IGF2BP3: variants seen among roughly 807,000 people sequenced by gnomAD.
The protein encoded by IGF2BP3 is insulin like growth factor 2 mRNA binding protein 3, also known as insulin-like growth factor 2 mRNA-binding protein 3.
In IGF2BP3, 9 loss-of-function variants were observed where a neutral mutation model predicts 73.8. The ratio of observed to expected loss-of-function variants is 0.12; its 90% CI spans 0.07 to 0.21. The LOEUF (loss-of-function observed/expected upper bound fraction) is 0.21, where lower values mean the gene tolerates loss of function less well. Among genes scored for constraint, IGF2BP3 ranks in the 10% least tolerant of loss-of-function variants. The pLI is 1.00. For missense variants in IGF2BP3, 542 were observed against 714.0 expected (o/e 0.76, Z 2.75); for synonymous variants, 258 against 256.7 (o/e 1.01, Z -0.05).
chr7:23,332,238 T>C (rs569922034), intron 10 of IGF2BP3, among the ~76,000 whole-genome samples: 6 of 152,218 alleles, frequency 3.9e-5, no homozygotes, highest in Non-Finnish European at 5.9e-5. Flanking sequence ...ATCCCCATCA[T>C]GTACCTCTTA....
At chr7:23,415,104 C>T (rs1162728478) in intron 3 of IGF2BP3, 2 of 219,288 alleles carry the variant, frequency 9.1e-6, no homozygotes, top group South Asian at 4.8e-5. Context: ...TAGCAGGTCC[C>T]GTCCGTCAGT....
chr7:23,392,345 C>T lies in IGF2BP3; in HGVS notation c.285+26431G>A, dbSNP rs201987948. On this transcript the variant is annotated intron_variant, in intron 3 of 14. Transcript: ENST00000258729. ...AGTGCTGGATAGCACAAAGGCTGAC[C>T]TCAAGAAAAGGCTGATTCAGTAAGT... Among the ~76,000 whole-genome samples, 12 of 151,000 alleles carry T rather than the reference C, an allele frequency of 7.9e-5. No homozygotes were observed. The East Asian group carries it at 1.8e-3, about 22-fold the overall frequency.
Position 23,361,872 on chromosome 7 carries a change from G to A in IGF2BP3, c.286-131C>T, listed in dbSNP as rs557753475. 3.2e-5 allele frequency: 22 copies of A among 688,284 alleles called. 1 individual carries two copies. Among genetic ancestry groups the A allele is most frequent in the Middle Eastern group, 4.1e-4 (1 of 2,422 alleles). The allele number at this position is 688,284 out of a possible 1,614,324, so 42.6% of individuals were successfully genotyped here. A position where few individuals can be genotyped will look rare whatever the true frequency, so the allele number is the denominator to read the frequency against. On this transcript the variant is annotated intron_variant, in intron 3 of 14. Coordinates refer to ENST00000258729, the MANE Select transcript of IGF2BP3 (RefSeq NM_006547.3). ...AAAAAATTATCTGGGGCTTTGGACT[G>A]CAGAACTAAGGGATGGATACCACAA...
chr7:23,468,523 C>T lies in IGF2BP3; in HGVS notation c.195G>A (p.Gly65=). The T allele has an allele frequency of 1.2e-6, 2 of 1,614,214 alleles. No homozygotes were observed. The highest frequency in any genetic ancestry group is 1.1e-5 in the South Asian group (1 of 91,084). The change falls in exon 2 of 15, where the codon GGG becomes GGA. Residue 65 remains glycine (G), a synonymous_variant. Coordinates refer to ENST00000258729, the MANE Select transcript of IGF2BP3 (RefSeq NM_006547.3). ...CCGAGTGCTCAACTTCTATGGGTTT[C>T]CCGTGCAGTTCTATTTTACCTGCGG... is the stretch of plus-strand genomic sequence containing the variant. ...EALSGKIELH[G]KPIEVEHSVP... is the part of the protein sequence containing the mutation.
chr7:23,310,683 G>C lies in IGF2BP3; in HGVS notation c.*1679C>G. 1 of 152,214 alleles carries C rather than the reference G, an allele frequency of 6.6e-6. No individual in the cohort carries two copies. The highest frequency in any genetic ancestry group is 1.9e-4 in the East Asian group (1 of 5,184). 9.4% of individuals were successfully genotyped at this position (152,214 alleles called of 1,614,324 possible). ...ACTACAAAAGAAACTTGTTTTCAGA[G>C]AACATTAAGGAAAACACTTTAAATC... On this transcript the variant is annotated 3_prime_UTR_variant, in exon 15 of 15. Transcript: ENST00000258729.
rs1340117145 is a variant in IGF2BP3 at position 23,371,377 on chromosome 7, G to C, written c.286-9636C>G. On this transcript the variant is annotated intron_variant, in intron 3 of 14. Transcript: ENST00000258729. ...CAAACAGGAACTACTTATCTGTCAT[G>C]GGCAAGATCATCTCAGGAACTGTTC... Among the ~76,000 whole-genome samples, 4 of 152,160 alleles carry C rather than the reference G, an allele frequency of 2.6e-5. No individual in the cohort carries two copies. The South Asian group carries it at 8.3e-4, about 32-fold the overall frequency.
intron 11 of IGF2BP3, 84 bp from the exon 12 acceptor site, chr7:23,317,797 T>A: frequency 9.4e-7 from 1 of 1,066,602 alleles, no homozygotes; most frequent in Admixed American, 1.7e-5. Context: ...CATTTGCATG[T>A]GACTGGCTGA....
chr7:23,450,315 T>G (rs897685458), intron 2 of IGF2BP3, among the ~76,000 whole-genome samples: 2 of 152,188 alleles, frequency 1.3e-5, no homozygotes, highest in Non-Finnish European at 1.5e-5. Context: ...AAGCACCGTT[T>G]CTACCTGAAG....
chr7:23,406,024 G>A (rs964020790), intron 3 of IGF2BP3, among the ~76,000 whole-genome samples: 3 of 150,408 alleles, frequency 2.0e-5, no homozygotes, highest in African/African-American at 4.9e-5. Context: ...ACCTCTGGAC[G>A]ACTGTTGCAA....
intron 2 of IGF2BP3, among the ~76,000 whole-genome samples, chr7:23,455,835 G>A (rs919125154): frequency 6.6e-6 from 1 of 152,096 alleles, no homozygotes; most frequent in Non-Finnish European, 1.5e-5. Context: ...ACAGGCGCCC[G>A]CCACAACGCC....
chr7:23,388,425 G>A (rs528443147), intron 3 of IGF2BP3, among the ~76,000 whole-genome samples: 8 of 152,160 alleles, frequency 5.3e-5, no homozygotes, highest in African/African-American at 1.7e-4. Context: ...TTTTTCATAC[G>A]CATATGGAAG....
rs1157208414 is a variant in IGF2BP3, at chr7:23,469,587, C to G, written c.175+349G>C. The G allele has an allele frequency of 6.4e-6, 1 of 157,122 alleles. No homozygotes were observed. The highest frequency in any genetic ancestry group is 2.4e-5 in the African/African-American group (1 of 41,654). 9.7% of individuals were successfully genotyped at this position (157,122 alleles called of 1,614,324 possible). On this transcript the variant is annotated intron_variant, in intron 1 of 14. Coordinates refer to ENST00000258729, the MANE Select transcript of IGF2BP3 (RefSeq NM_006547.3). The surrounding 1 kb of genome is among the most constrained non-coding windows in gnomAD (Gnocchi z 6.1). ...GCACAGGCGGGCATTCTAGCTCGGC[C>G]CCCGAGGCCCAGCGTGCCGGGGCCT...
chr7:23,424,516 T>C (rs1029496329), intron 2 of IGF2BP3, among the ~76,000 whole-genome samples: 21 of 151,986 alleles, frequency 1.4e-4, no homozygotes, highest in Admixed American at 1.4e-3. Flanking sequence ...AAATAAACAA[T>C]TTAAAAACTG....
At chr7:23,454,909 C>T (rs562536667) in intron 2 of IGF2BP3, among the ~76,000 whole-genome samples, 8 of 152,352 alleles carry the variant, frequency 5.3e-5, no homozygotes, top group African/African-American at 1.9e-4. Context: ...AAAAAAATTA[C>T]ATGGGCTCAG....
Position 23,466,026 on chromosome 7 carries a change from T to G in IGF2BP3, c.236+2456A>C, listed in dbSNP as rs560681861. Among the ~76,000 whole-genome samples the G allele has an allele frequency of 2.3e-3, 348 of 148,478 alleles. 1 individual carries two copies. The highest frequency in any genetic ancestry group is 3.9e-3 in the Admixed American group (58 of 14,840). ...ATTTCCAGAGGCAGAGAAAAAAGGTTTTTTTTTTTTTTTGAGGTAGAGTTT... is the reference window on the plus strand; with the variant it reads ...ATTTCCAGAGGCAGAGAAAAAAGGTGTTTTTTTTTTTTTGAGGTAGAGTTT... On this transcript the variant is annotated intron_variant, in intron 2 of 14. Transcript: ENST00000258729.
chr7:23,428,370 G>T (rs920730807), intron 2 of IGF2BP3, among the ~76,000 whole-genome samples: 1 of 151,868 alleles, frequency 6.6e-6, no homozygotes, highest in African/African-American at 2.4e-5. Context: ...TACTCAGGAG[G>T]CTGAGGCAGG....
intron 3 of IGF2BP3, chr7:23,414,378 T>A (rs1161772462): frequency 6.6e-6 from 1 of 152,134 alleles, no homozygotes; most frequent in African/African-American, 2.4e-5. Flanking sequence ...ATAATAAAGA[T>A]CTAACAGTAA....
intron 10 of IGF2BP3, among the ~76,000 whole-genome samples, chr7:23,337,635 A>T (rs1784606671): frequency 6.6e-6 from 1 of 152,236 alleles, no homozygotes; most frequent in Non-Finnish European, 1.5e-5. Context: ...ACATGAGGCA[A>T]ACAGAAGTAT....
chr7:23,356,414 G>A (rs905951799), intron 5 of IGF2BP3, among the ~76,000 whole-genome samples: 2 of 152,000 alleles, frequency 1.3e-5, no homozygotes, highest in African/African-American at 2.4e-5. Context: ...AAAATTAGCT[G>A]GGTGTAGTGG....
Sources: gnomAD v4.1 joint callset for allele counts (sites outside exome capture counted in the v4.1 genomes callset) on GRCh38, gnomAD v4.1.1 for gene constraint, Gnocchi (gnomAD v3.1) non-coding constraint, MANE v1.5 for transcripts, NCBI Gene and HGNC (gene_info 2026-07-23, HGNC 2026-07-21) for gene names.